Variants in SPATA3 observed in about 807,000 individuals in gnomAD.
The protein encoded by SPATA3 is spermatogenesis associated 3.
In SPATA3, 6 loss-of-function variants were observed where a neutral mutation model predicts 5.7. The ratio of observed to expected loss-of-function variants is 1.06; its 90% confidence interval spans 0.58 to 2.09. SPATA3 has a LOEUF of 2.09. Ranked by LOEUF, SPATA3 falls within the 30% of genes most tolerant of loss-of-function variation. SPATA3 has a pLI of 0.00. For missense variants in SPATA3, 155 were observed against 130.4 expected (o/e 1.19, Z -0.92); for synonymous variants, 44 against 48.4 (o/e 0.91, Z 0.37).
chr2:231,006,049 G>A (rs904026396), downstream of SPATA3, among the ~76,000 whole-genome samples: 2 of 151,348 alleles, frequency 1.3e-5, no homozygotes, highest in Non-Finnish European at 2.9e-5. Flanking sequence ...TAAAAAATTA[G>A]CCAGGCATGG....
chr2:231,009,743 AG>A (rs1276655032), downstream of SPATA3, among the ~76,000 whole-genome samples: 1 of 152,244 alleles, frequency 6.6e-6, no homozygotes, highest in Non-Finnish European at 1.5e-5. Flanking sequence ...CTCTGTGGTT[AG>A]GTCCTGGAGG....
chr2:231,008,359 G>A (rs778505113), downstream of SPATA3, among the ~76,000 whole-genome samples: 4 of 152,208 alleles, frequency 2.6e-5, no homozygotes, highest in Non-Finnish European at 5.9e-5. Context: ...TGGTGTAGGG[G>A]TGGAGGGAGG....
intron 6 of SPATA3, among the ~76,000 whole-genome samples, chr2:231,018,149 T>A (rs1459632190): frequency 6.6e-6 from 1 of 152,088 alleles, no homozygotes. Flanking sequence ...GGTCTCGAAC[T>A]CCTGACCTCA....
At chr2:231,004,427 T>C (rs1000957776), downstream of SPATA3, among the ~76,000 whole-genome samples, 7 of 152,186 alleles carry the variant, frequency 4.6e-5, no homozygotes, top group South Asian at 4.1e-4. Context: ...GGCTCCTTTC[T>C]TGACTCTGCT....
downstream of SPATA3, among the ~76,000 whole-genome samples, chr2:231,010,669 T>G (rs370179082): frequency 1.1e-4 from 16 of 152,170 alleles, 1 homozygote; most frequent in African/African-American, 3.9e-4. Context: ...CACAGAAAAC[T>G]TTCCCTTCTG....
downstream of SPATA3, among the ~76,000 whole-genome samples, chr2:231,005,320 CAT>C (rs1692548444): frequency 1.8e-5 from 2 of 108,120 alleles, no homozygotes; most frequent in Non-Finnish European, 4.0e-5. Context: ...CCACCATCAT[CAT>C]CACCATCATC....
chr2:231,012,247 T>C (rs1692807192), downstream of SPATA3, among the ~76,000 whole-genome samples: 1 of 152,172 alleles, frequency 6.6e-6, no homozygotes, highest in Non-Finnish European at 1.5e-5. Flanking sequence ...AGAAGAGTTC[T>C]GTTCAGGTCT....
downstream of SPATA3, among the ~76,000 whole-genome samples, chr2:231,005,589 T>C (rs796387899): frequency 2.6e-3 from 14 of 5,388 alleles, no homozygotes; most frequent in East Asian, 5.2e-3. Context: ...ATCATCATCC[T>C]CACCATCACC....
At chr2:231,001,043 G>A (rs563177302) in intron 2 of SPATA3, among the ~76,000 whole-genome samples, 5 of 152,200 alleles carry the variant, frequency 3.3e-5, no homozygotes, top group African/African-American at 1.2e-4. Flanking sequence ...ATAGCAAGAC[G>A]TCAGCCCCCT....
intron 1 of SPATA3, chr2:230,996,212 GT>G: frequency 6.5e-7 from 1 of 1,542,798 alleles, no homozygotes; most frequent in Non-Finnish European, 8.7e-7. Context: ...GTAGGTCCAC[GT>G]TTAGGTTGGG....
chr2:231,009,343 C>T (rs1173483984), downstream of SPATA3, among the ~76,000 whole-genome samples: 3 of 152,162 alleles, frequency 2.0e-5, no homozygotes, highest in Admixed American at 6.5e-5. Flanking sequence ...CTGCCTCAAG[C>T]GGCAGACTTG....
At chr2:230,999,452 T>C (rs2136472) in intron 1 of SPATA3, 63,538 of 152,000 alleles carry the variant, frequency 0.42, 13,442 homozygotes, top group South Asian at 0.51. Flanking sequence ...GAATCCCCTC[T>C]CCTCATTCCG....
At chr2:231,009,671 G>A (rs1028797559), downstream of SPATA3, among the ~76,000 whole-genome samples, 5 of 152,210 alleles carry the variant, frequency 3.3e-5, no homozygotes, top group African/African-American at 9.6e-5. Context: ...CATGCTAAAC[G>A]ACCACATGCC....
At chr2:231,001,125 G>A (rs994913336) in intron 2 of SPATA3, among the ~76,000 whole-genome samples, 8 of 152,122 alleles carry the variant, frequency 5.3e-5, no homozygotes, top group African/African-American at 1.2e-4. Context: ...TGTTGGTGGC[G>A]GCCCCCATGA....
At chr2:230,997,753 G>A (rs1198351652) in intron 1 of SPATA3, among the ~76,000 whole-genome samples, 2 of 152,194 alleles carry the variant, frequency 1.3e-5, no homozygotes, top group African/African-American at 2.4e-5. Context: ...TTGTGTAGAG[G>A]GAATTCAAGT....
chr2:231,002,886 C>T (rs530975013), downstream of SPATA3: 24 of 770,552 alleles, frequency 3.1e-5, no homozygotes, highest in African/African-American at 9.0e-5. Context: ...GACCAAGCCC[C>T]GGCCTCTCAA....
At chr2:230,997,993 A>T (rs1364003097) in intron 1 of SPATA3, among the ~76,000 whole-genome samples, 1 of 152,202 alleles carries the variant, frequency 6.6e-6, no homozygotes, top group Non-Finnish European at 1.5e-5. Context: ...AGCCCTGAGA[A>T]GGGAAACCCA....
chr2:231,000,647 C>G (rs1305626641), intron 2 of SPATA3, 110 bp downstream of exon 2: 3 of 1,135,016 alleles, frequency 2.6e-6, no homozygotes, highest in Admixed American at 7.4e-5. Flanking sequence ...AATCCCAGGC[C>G]GAAGGAAAGC....
downstream of SPATA3, among the ~76,000 whole-genome samples, chr2:231,008,546 C>T: frequency 6.6e-6 from 1 of 152,146 alleles, no homozygotes; most frequent in East Asian, 1.9e-4. Flanking sequence ...GCCCATTCCC[C>T]ACCCCTCAGT....
Sources: allele counts gnomAD v4.1 joint callset (sites outside exome capture counted in the v4.1 genomes callset), GRCh38; gene constraint gnomAD v4.1.1; transcripts MANE v1.5; gene names NCBI Gene and HGNC (gene_info 2026-07-23, HGNC 2026-07-21).